NETO2: variants seen among roughly 807,000 people sequenced by gnomAD.
NETO2 encodes the protein neuropilin and tolloid like 2.
In NETO2, 28 loss-of-function variants were observed where a neutral mutation model predicts 62.5. That is an observed-to-expected ratio of 0.45 (90% CI 0.33 to 0.61). NETO2 has a LOEUF of 0.61. Among genes scored for constraint, NETO2 ranks in the 20% least tolerant of loss-of-function variants. NETO2 has a pLI of 0.02. For missense variants in NETO2, 548 were observed against 643.2 expected (o/e 0.85, Z 1.60); for synonymous variants, 214 against 219.1 (o/e 0.98, Z 0.21).
chr16:47,122,701 C>T lies in NETO2; in HGVS notation c.610G>A (p.Ala204Thr). Residue 204 changes from alanine to threonine, a missense_variant, in exon 6 of 9, where the codon GCC (alanine) becomes ACC (threonine). By Grantham distance (58) the Ala-to-Thr change is moderately conservative. Coordinates refer to ENST00000562435, the MANE Select transcript of NETO2 (RefSeq NM_018092.5). ...EQEEKTKPGQAVDCIWTIKAT... is the reference protein window; with the variant it reads ...EQEEKTKPGQTVDCIWTIKAT... ...TTAATGGTCCAGATGCAATCAACGG[C>T]TTGGCCTGGTTTTGTTTTCTCCTCT... 3 of 1,614,114 alleles carry T rather than the reference C, an allele frequency of 1.9e-6. No individual in the cohort carries two copies. The highest frequency in any genetic ancestry group is 2.5e-6 in the Non-Finnish European group (3 of 1,180,004).
chr16:47,102,259 C>T (rs1273024806), intron 7 of NETO2, among the ~76,000 whole-genome samples: 1 of 152,100 alleles, frequency 6.6e-6, no homozygotes, highest in Non-Finnish European at 1.5e-5. Context: ...GGACCCCTTC[C>T]AGAAACTGGA....
intron 1 of NETO2, 39 bp downstream of exon 1, chr16:47,143,540 G>A (rs1309181172): frequency 2.5e-6 from 3 of 1,220,158 alleles, no homozygotes; most frequent in East Asian, 3.3e-5. Context: ...GCCTCGGCCC[G>A]CAGGGGGCGC....
At chr16:47,137,502 C>T (rs560343420) in intron 1 of NETO2, among the ~76,000 whole-genome samples, 3 of 152,090 alleles carry the variant, frequency 2.0e-5, no homozygotes, top group South Asian at 4.2e-4. Context: ...CAGGGGTGGG[C>T]GAAAAGGAGT....
At chr16:47,087,380 G>A (rs1157913999) in intron 7 of NETO2, among the ~76,000 whole-genome samples, 1 of 152,076 alleles carries the variant, frequency 6.6e-6, no homozygotes. Context: ...ACTTATTGAG[G>A]TGCCTAGAAG....
intron 6 of NETO2, among the ~76,000 whole-genome samples, chr16:47,116,020 C>CT (rs1046635781): frequency 6.6e-6 from 1 of 151,724 alleles, no homozygotes; most frequent in Non-Finnish European, 1.5e-5. Context: ...AATCTGTATG[C>CT]TTTTTTGTAC....
intron 6 of NETO2, among the ~76,000 whole-genome samples, chr16:47,110,132 T>C (rs192036070): frequency 1.3e-5 from 2 of 152,380 alleles, no homozygotes; most frequent in Non-Finnish European, 1.5e-5. Flanking sequence ...CTGTGTTTAA[T>C]TGTAAGATAT....
chr16:47,133,391 C>CG (rs1318540528), intron 1 of NETO2, among the ~76,000 whole-genome samples: 1 of 145,132 alleles, frequency 6.9e-6, no homozygotes, highest in East Asian at 2.0e-4. Context: ...CCTGTCTCTA[C>CG]GGAAAAAAAA....
intron 6 of NETO2, among the ~76,000 whole-genome samples, chr16:47,118,505 T>C (rs192808363): frequency 7.9e-4 from 120 of 152,354 alleles, no homozygotes; most frequent in African/African-American, 2.8e-3. Context: ...TCCCAACCTG[T>C]TGTGAGTTCT....
intron 7 of NETO2, among the ~76,000 whole-genome samples, chr16:47,094,654 T>C (rs900457766): frequency 6.6e-6 from 1 of 152,044 alleles, no homozygotes; most frequent in Admixed American, 6.5e-5. Context: ...CTCAATCTTG[T>C]TGACCTCATG....
At position 47,129,302 on chromosome 16, in the gene NETO2, T is replaced by A. The variant is rs769660317; in HGVS notation, c.154A>T (p.Ser52Cys). The change falls in exon 3 of 9, where the codon AGC (serine) becomes TGC (cysteine). Residue 52 changes from serine (S) to cysteine (C), a missense_variant. By Grantham distance (112) the Ser-to-Cys change is moderately radical (BLOSUM62 -1). Transcript: ENST00000562435. The part of the protein sequence containing the change: ...ATQCGIWVRT[S>C]NGGHFASPNY... ...GGCGAAGCAAAATGACCTCCATTGC[T>A]GGTTCGAACCCAAATGCCACACTGG... 1.9e-6 allele frequency: 3 copies of A among 1,614,088 alleles called. No individual in the cohort carries two copies. The Admixed American group carries it at 5.0e-5, about 27-fold the overall frequency.
intron 6 of NETO2, among the ~76,000 whole-genome samples, chr16:47,119,292 C>T (rs1427026487): frequency 6.6e-6 from 1 of 151,788 alleles, no homozygotes; most frequent in East Asian, 1.9e-4. Context: ...GCTGGGACTA[C>T]AGGCGCCCGC....
intron 6 of NETO2, among the ~76,000 whole-genome samples, chr16:47,110,554 T>C (rs188424288): frequency 2.2e-3 from 334 of 152,354 alleles, no homozygotes; most frequent in Non-Finnish European, 3.8e-3. Context: ...TGACTCTAAA[T>C]GTGCGTCCTT....
chr16:47,105,556 C>A (rs371891493), intron 7 of NETO2, among the ~76,000 whole-genome samples: 82 of 152,054 alleles, frequency 5.4e-4, no homozygotes, highest in African/African-American at 1.8e-3. Flanking sequence ...AGTGAAAAGA[C>A]AACAAACAGA....
intron 7 of NETO2, among the ~76,000 whole-genome samples, chr16:47,104,200 C>T (rs1215874563): frequency 6.6e-6 from 1 of 151,816 alleles, no homozygotes; most frequent in Non-Finnish European, 1.5e-5. Flanking sequence ...GGATGCAAAA[C>T]CCGCATACAC....
intron 6 of NETO2, among the ~76,000 whole-genome samples, chr16:47,116,298 T>G (rs1282808397): frequency 6.6e-6 from 1 of 152,124 alleles, no homozygotes; most frequent in African/African-American, 2.4e-5. Context: ...GCTGGTAGGT[T>G]TTTGTAGATA....
At chr16:47,109,945 G>C (rs1308248109) in intron 6 of NETO2, among the ~76,000 whole-genome samples, 1 of 152,116 alleles carries the variant, frequency 6.6e-6, no homozygotes, top group Non-Finnish European at 1.5e-5. Context: ...TGTCTATAAA[G>C]AGTAGAAACT....
At chr16:47,121,709 T>A (rs930055671) in intron 6 of NETO2, among the ~76,000 whole-genome samples, 8 of 152,194 alleles carry the variant, frequency 5.3e-5, no homozygotes, top group Non-Finnish European at 1.0e-4. Context: ...CTTTTCTCAG[T>A]ATGGGAATTA....
intron 1 of NETO2, among the ~76,000 whole-genome samples, chr16:47,140,178 T>C (rs1361884577): frequency 6.6e-6 from 1 of 151,904 alleles, no homozygotes; most frequent in Non-Finnish European, 1.5e-5. Context: ...TGTTGTCCTT[T>C]TTCCTTTTTT....
At chr16:47,138,225 C>A (rs939185869) in intron 1 of NETO2, among the ~76,000 whole-genome samples, 8 of 152,148 alleles carry the variant, frequency 5.3e-5, no homozygotes, top group African/African-American at 1.7e-4. Flanking sequence ...TATGGTGAAA[C>A]CCCGTCTCTA....
Sources: allele counts gnomAD v4.1 joint callset (sites outside exome capture counted in the v4.1 genomes callset), GRCh38; gene constraint gnomAD v4.1.1; transcripts MANE v1.5; gene names NCBI Gene and HGNC (gene_info 2026-07-23, HGNC 2026-07-21).